The following TEX9 variants were observed in gnomAD, a reference collection of about 807,000 sequenced individuals.
TEX9 encodes the protein testis expressed 9.
A neutral mutation model predicts 59.6 loss-of-function variants in TEX9; 74 were observed. The observed-to-expected ratio is 1.24, with a 90% CI of 1.03 to 1.51. The LOEUF is 1.51. Ranked by LOEUF, TEX9 falls within the 40% of genes most tolerant of loss-of-function variation. The pLI is 0.00. For missense variants in TEX9, 522 were observed against 447.8 expected, an observed-to-expected ratio of 1.17 and a Z score of -1.49; for synonymous variants, 186 against 152.2, an observed-to-expected ratio of 1.22 and a Z score of -1.64.
rs12050674 is a variant in TEX9, at chr15:56,424,343, T to C, written c.964-3262T>C. On this transcript the variant is annotated intron_variant, in intron 10 of 12. Transcript: ENST00000352903. ...TTGGTTACAAAATTTCAGATTATCT[T>C]TTTCCATCTTTTTACCTTAAACCTA... Among the ~76,000 whole-genome samples the C allele has an allele frequency of 2.0e-4, 31 of 152,302 alleles. No individual in the cohort carries two copies. The East Asian group carries it at 5.2e-3, about 26-fold the overall frequency.
intron 1 of TEX9, among the ~76,000 whole-genome samples, chr15:56,316,961 T>C (rs28769291): frequency 1.3e-5 from 2 of 152,212 alleles, no homozygotes; most frequent in East Asian, 3.9e-4. Flanking sequence ...GGGAACTCCC[T>C]GACCCCTTGC....
chr15:56,390,297 G>A (rs1477517367), intron 6 of TEX9, among the ~76,000 whole-genome samples: 4 of 151,840 alleles, frequency 2.6e-5, no homozygotes, highest in African/African-American at 9.7e-5. Flanking sequence ...TAGCACAATA[G>A]GGTGACGATA....
the TEX9 span, among the ~76,000 whole-genome samples, chr15:56,460,009 A>AAAAAAT: frequency 8.3e-4 from 22 of 26,380 alleles, 5 homozygotes; most frequent in African/African-American, 2.6e-3. Context: ...AAAAAAAAAA[A>AAAAAAT]ATACATATAT....
chr15:56,430,340 G>A (rs2050550735), intron 12 of TEX9, among the ~76,000 whole-genome samples, 186 bp downstream of exon 12: 1 of 152,118 alleles, frequency 6.6e-6, no homozygotes, highest in African/African-American at 2.4e-5. Context: ...CAGAGTATCT[G>A]GGACTACAGG....
At chr15:56,326,407 A>G (rs2046020429) in intron 1 of TEX9, among the ~76,000 whole-genome samples, 2 of 152,204 alleles carry the variant, frequency 1.3e-5, no homozygotes, top group Non-Finnish European at 2.9e-5. Flanking sequence ...CAATTTTTTC[A>G]ATTATAAATG....
chr15:56,318,755 G>T (rs2045835913), intron 1 of TEX9, among the ~76,000 whole-genome samples: 2 of 152,028 alleles, frequency 1.3e-5, no homozygotes, highest in South Asian at 4.1e-4. Context: ...ATCAAGTTCA[G>T]ATTAATACCA....
chr15:56,411,941 G>T (rs1217314552), intron 9 of TEX9, among the ~76,000 whole-genome samples: 1 of 152,208 alleles, frequency 6.6e-6, no homozygotes, highest in East Asian at 1.9e-4. Context: ...CTTAACATTG[G>T]TCTTTTTGGG....
chr15:56,388,617 C>A, intron 5 of TEX9, 97 bp downstream of exon 5: 2 of 987,654 alleles, frequency 2.0e-6, no homozygotes, highest in Admixed American at 1.8e-5. Flanking sequence ...GGGTATGACT[C>A]AACAGAAATA....
intron 9 of TEX9, among the ~76,000 whole-genome samples, chr15:56,411,079 A>G (rs904243323): frequency 3.9e-5 from 6 of 152,234 alleles, no homozygotes; most frequent in African/African-American, 1.2e-4. Context: ...ATAAAAGAAT[A>G]TAGACAACTG....
the TEX9 span, among the ~76,000 whole-genome samples, chr15:56,454,300 A>T: frequency 1.3e-5 from 2 of 152,214 alleles, no homozygotes. Context: ...CATACTAATC[A>T]TATCATGGAA....
intron 1 of TEX9, among the ~76,000 whole-genome samples, chr15:56,317,674 C>T (rs745674777): frequency 7.9e-5 from 12 of 152,062 alleles, no homozygotes; most frequent in Non-Finnish European, 1.3e-4. Flanking sequence ...CTAGACATTT[C>T]TAAGTACAGC....
chr15:56,384,176 T>C (rs1230781044), intron 4 of TEX9, 145 bp downstream of exon 4: 2 of 535,938 alleles, frequency 3.7e-6, no homozygotes, highest in Non-Finnish European at 6.6e-6. Flanking sequence ...TCAGACACAG[T>C]GCAAGCCCTT....
At chr15:56,426,110 T>G (rs2050228951) in intron 10 of TEX9, among the ~76,000 whole-genome samples, 1 of 152,188 alleles carries the variant, frequency 6.6e-6, no homozygotes, top group Non-Finnish European at 1.5e-5. Context: ...ACCTCTCACA[T>G]TCAGTGGTAC....
chr15:56,347,283 TA>T (rs1364313124), intron 1 of TEX9, among the ~76,000 whole-genome samples: 23 of 152,208 alleles, frequency 1.5e-4, no homozygotes, highest in African/African-American at 4.3e-4. Flanking sequence ...AAAAGTTTTT[TA>T]AAAAGAAAAA....
At chr15:56,431,375 T>G in intron 12 of TEX9, 1 of 1,611,252 alleles carries the variant, frequency 6.2e-7, no homozygotes, top group Middle Eastern at 1.9e-4. Context: ...TCACTTACTT[T>G]AGGGAGATAG....
chr15:56,326,003 A>G (rs2046012455), intron 1 of TEX9, among the ~76,000 whole-genome samples: 1 of 152,204 alleles, frequency 6.6e-6, no homozygotes, highest in Non-Finnish European at 1.5e-5. Context: ...TTGGTTAGAA[A>G]GCACAAATGG....
At chr15:56,442,145 C>T (rs1258276258) in intron 12 of TEX9, among the ~76,000 whole-genome samples, 1 of 152,094 alleles carries the variant, frequency 6.6e-6, no homozygotes, top group Non-Finnish European at 1.5e-5. Flanking sequence ...CTCAATATCA[C>T]TAATCATTAG....
chr15:56,449,168 T>C (rs2140367531), downstream of TEX9, among the ~76,000 whole-genome samples: 1 of 152,252 alleles, frequency 6.6e-6, no homozygotes, highest in Middle Eastern at 3.4e-3. Flanking sequence ...TCTTGCCCTA[T>C]TGCACTGATT....
the TEX9 span, among the ~76,000 whole-genome samples, chr15:56,460,009 A>AAAAAAAAAAAAAAAAATAT: frequency 1.9e-4 from 5 of 26,386 alleles, no homozygotes; most frequent in African/African-American, 4.5e-4. Context: ...AAAAAAAAAA[A>AAAAAAAAAAAAAAAAATAT]ATACATATAT....
Sources: gnomAD v4.1 joint callset for allele counts (sites outside exome capture counted in the v4.1 genomes callset) on GRCh38, gnomAD v4.1.1 for gene constraint, MANE v1.5 for transcripts, NCBI Gene and HGNC (gene_info 2026-07-23, HGNC 2026-07-21) for gene names.